The following EHF variants were observed in gnomAD, a reference collection of about 807,000 sequenced individuals.
EHF encodes ETS homologous factor, also known as ESE3 transcription factor.
EHF carries 14 observed loss-of-function variants against 45.1 expected under a neutral mutation model. That is an observed-to-expected ratio of 0.31 (90% CI 0.21 to 0.49). EHF has a LOEUF of 0.49. EHF is among the 20% of genes least tolerant of loss of function. EHF has a pLI of 0.99. For missense variants in EHF, 282 were observed against 371.4 expected, an observed-to-expected ratio of 0.76 and a Z score of 1.98; for synonymous variants, 136 against 131.8, an observed-to-expected ratio of 1.03 and a Z score of -0.22.
chr11:34,631,113 C>A (rs1036405254), intron 1 of EHF, among the ~76,000 whole-genome samples: 1 of 152,170 alleles, frequency 6.6e-6, no homozygotes, highest in African/African-American at 2.4e-5. Flanking sequence ...CTCACTGCAA[C>A]CTCCACCTCC....
intron 1 of EHF, chr11:34,641,936 C>T (rs1854039769): frequency 6.6e-6 from 1 of 152,142 alleles, no homozygotes; most frequent in Admixed American, 6.5e-5. Context: ...ACTAAATTCT[C>T]CAGGTCTCTA....
chr11:34,624,320 A>C, intron 1 of EHF: 1 of 985,386 alleles, frequency 1.0e-6, no homozygotes, highest in Non-Finnish European at 1.2e-6. Context: ...CAGCTTGGGT[A>C]AGCCGGGTCT....
Position 34,656,941 on chromosome 11 carries a change from C to A in EHF, c.578C>A (p.Pro193His), listed in dbSNP as rs1257901011. The change falls in exon 7 of 9, where the codon CCC becomes CAC. Residue 193 changes from proline to histidine, a missense_variant. Physicochemically the swap from Pro to His is moderately conservative, Grantham distance 77. Transcript: ENST00000257831. The stretch of plus-strand genomic sequence containing the variant: ...CCTGATATGAAAAAGGAGCAAGACC[C>A]CCCTGCCAAGTGCCACACCAAAAAG... Reference protein sequence around the residue: ...ESPDMKKEQDPPAKCHTKKHN... With the variant: ...ESPDMKKEQDHPAKCHTKKHN... 8 of 1,613,630 alleles carry A rather than the reference C, an allele frequency of 5.0e-6. No individual in the cohort carries two copies. Among genetic ancestry groups the A allele is most frequent in the Non-Finnish European group, 6.8e-6 (8 of 1,179,806 alleles).
At chr11:34,631,890 C>T (rs1399086825) in intron 1 of EHF, among the ~76,000 whole-genome samples, 2 of 152,016 alleles carry the variant, frequency 1.3e-5, no homozygotes. Flanking sequence ...TTTTCTCTGC[C>T]CTTGTTAATC....
intron 1 of EHF, among the ~76,000 whole-genome samples, chr11:34,641,299 C>G (rs1409529200): frequency 6.6e-6 from 1 of 152,182 alleles, no homozygotes; most frequent in Non-Finnish European, 1.5e-5. Flanking sequence ...AATTACTGCT[C>G]TCTCCCCAGC....
intron 6 of EHF, among the ~76,000 whole-genome samples, chr11:34,655,591 C>T (rs1190299789): frequency 6.6e-6 from 1 of 152,132 alleles, no homozygotes; most frequent in Non-Finnish European, 1.5e-5. Flanking sequence ...GTCATTTGAC[C>T]CCTCTGTTTC....
intron 1 of EHF, among the ~76,000 whole-genome samples, chr11:34,623,415 T>G (rs2133959362): frequency 1.3e-5 from 2 of 152,192 alleles, no homozygotes; most frequent in African/African-American, 4.8e-5. Context: ...TCTATTAGTC[T>G]ATCGTGATCT....
intron 1 of EHF, among the ~76,000 whole-genome samples, chr11:34,639,558 C>T (rs12221659): frequency 6.6e-6 from 1 of 152,096 alleles, no homozygotes; most frequent in East Asian, 1.9e-4. Flanking sequence ...TCGGCCAAAG[C>T]CCTTCTGCTA....
At chr11:34,628,014 T>C (rs368586039) in intron 1 of EHF, among the ~76,000 whole-genome samples, 3 of 152,330 alleles carry the variant, frequency 2.0e-5, no homozygotes, top group East Asian at 1.9e-4. Flanking sequence ...GCAAAAGTAA[T>C]TGTGGTTCTT....
chr11:34,646,813 C>T, intron 3 of EHF, 129 bp downstream of exon 3: 1 of 1,216,126 alleles, frequency 8.2e-7, no homozygotes, highest in Non-Finnish European at 1.2e-6. Flanking sequence ...TACCATGTCC[C>T]AAGACAGAGA....
At position 34,623,129 on chromosome 11, in the gene EHF, A is replaced by G. The variant is rs141000339; in HGVS notation, c.-4+1901A>G. 5.7e-3 allele frequency among the ~76,000 whole-genome samples: 869 copies of G among 152,218 alleles called. 4 individuals are homozygous for G. Among genetic ancestry groups the G allele is most frequent in the Middle Eastern group, 0.014 (4 of 294 alleles). ...TTTTGAGATGAAGTCTCCGTCGCCC[A>G]GCCTGGAGTGCAGTGGCATGATCTT... On this transcript the variant is annotated intron_variant, in intron 1 of 8. Transcript: ENST00000257831.
chr11:34,629,280 G>T (rs75961213), intron 1 of EHF, among the ~76,000 whole-genome samples: 1,929 of 152,296 alleles, frequency 0.013, 33 homozygotes, highest in African/African-American at 0.044. Flanking sequence ...GTAGGGAGTT[G>T]CTGGCAATAC....
intron 1 of EHF, among the ~76,000 whole-genome samples, chr11:34,637,016 C>A (rs908173076): frequency 8.2e-6 from 1 of 122,346 alleles, no homozygotes; most frequent in African/African-American, 3.4e-5. Flanking sequence ...GCAACAAGAG[C>A]GAAACTTCAT....
At chr11:34,625,286 G>A (rs1852272882) in intron 1 of EHF, among the ~76,000 whole-genome samples, 1 of 152,188 alleles carries the variant, frequency 6.6e-6, no homozygotes, top group African/African-American at 2.4e-5. Flanking sequence ...TGTGTCTCAA[G>A]CTGGTGGGAA....
At chr11:34,647,085 C>CCT (rs1554957758) in intron 3 of EHF, among the ~76,000 whole-genome samples, 1 of 112,572 alleles carries the variant, frequency 8.9e-6, no homozygotes, top group African/African-American at 3.7e-5. Context: ...CAAAACAAAA[C>CCT]CCCCCCCACA....
chr11:34,639,697 G>GTGGC (rs1338108431), intron 1 of EHF, among the ~76,000 whole-genome samples: 14 of 152,346 alleles, frequency 9.2e-5, no homozygotes, highest in African/African-American at 2.9e-4. Context: ...CTCACTAAGG[G>GTGGC]TTAAGCCACA....
At position 34,658,850 on chromosome 11, in the gene EHF, A is replaced by G; in HGVS notation, c.822A>G (p.Glu274=). ...GTTACAGATATTACTACAAAAGAGA[A>G]ATTCTGGAGCGTGTGGATGGACGAA... ...SRAMRYYYKR[E]ILERVDGRRL... is the part of the protein sequence containing the mutation. Residue 274 remains glutamate (E), a synonymous_variant, in exon 9 of 9, where the codon GAA becomes GAG. Coordinates refer to ENST00000257831, the MANE Select transcript of EHF (RefSeq NM_012153.6). 6.2e-7 allele frequency: 1 copy of G among 1,611,928 alleles called. No homozygotes were observed. Among genetic ancestry groups the G allele is most frequent in the Non-Finnish European group, 8.5e-7 (1 of 1,179,300 alleles).
At chr11:34,631,848 G>A (rs775876688) in intron 1 of EHF, among the ~76,000 whole-genome samples, 4 of 152,164 alleles carry the variant, frequency 2.6e-5, no homozygotes, top group Non-Finnish European at 5.9e-5. Context: ...TTAGAAGAGT[G>A]TGGTTTTGGT....
At chr11:34,645,410 C>T (rs150864544) in intron 2 of EHF, among the ~76,000 whole-genome samples, 93 of 152,192 alleles carry the variant, frequency 6.1e-4, no homozygotes, top group African/African-American at 1.8e-3. Context: ...AAATACATTC[C>T]ATTAAATAAA....
Sources: gnomAD v4.1 joint callset for allele counts (sites outside exome capture counted in the v4.1 genomes callset) on GRCh38, gnomAD v4.1.1 for gene constraint, MANE v1.5 for transcripts, NCBI Gene and HGNC (gene_info 2026-07-23, HGNC 2026-07-21) for gene names.